Variants in GSN observed in about 807,000 individuals in gnomAD.
The protein encoded by GSN is actin-depolymerizing factor.
A neutral mutation model predicts 85.7 loss-of-function variants in GSN; 56 were observed. The observed-to-expected ratio is 0.65, with a 90% CI of 0.53 to 0.82. GSN has a LOEUF of 0.82. GSN is among the 40% of genes least tolerant of loss of function. The probability of loss-of-function intolerance (pLI) is 0.00; values close to 1 mark genes in which losing one functional copy is unlikely to be tolerated. For missense variants in GSN, 857 were observed against 979.8 expected, an observed-to-expected ratio of 0.87 and a Z score of 1.67; for synonymous variants, 373 against 399.1, an observed-to-expected ratio of 0.93 and a Z score of 0.78.
At chr9:121,228,877 A>T (rs1199220252) in intron 4 of GSN, among the ~76,000 whole-genome samples, 3 of 152,132 alleles carry the variant, frequency 2.0e-5, no homozygotes, top group Non-Finnish European at 4.4e-5. Flanking sequence ...ACATACACAC[A>T]TGCTCGCTCT....
chr9:121,288,896 C>T (rs923385979), intron 2 of GSN, among the ~76,000 whole-genome samples: 4 of 152,150 alleles, frequency 2.6e-5, no homozygotes, highest in African/African-American at 4.8e-5. Context: ...CATGGGATGC[C>T]GCTAAAGGGA....
At position 121,324,655 on chromosome 9, in the gene GSN, C is replaced by G. The variant is rs765667628; in HGVS notation, c.1416+11C>G. On this transcript the variant is annotated intron_variant, in intron 12 of 17. Coordinates refer to ENST00000432226, the MANE Select transcript of GSN (RefSeq NM_198252.3). ...GGTACCCCTGTCCAGGTGAGCCCAG[C>G]CCACCGCCTCTCTGGGCTGCAGCCT... The G allele has an allele frequency of 2.9e-6, 4 of 1,368,784 alleles. No homozygotes were observed. The South Asian group carries it at 5.0e-5, about 17-fold the overall frequency. 84.8% of individuals were successfully genotyped at this position (1,368,784 alleles called of 1,614,324 possible). A position where few individuals can be genotyped will look rare whatever the true frequency, so the allele number is the denominator to read the frequency against.
Position 121,332,720 on chromosome 9 carries a change from TG to T in GSN, c.*118del. On this transcript the variant is annotated 3_prime_UTR_variant, in exon 18 of 18. Transcript: ENST00000432226. The surrounding 1 kb of genome is among the most constrained non-coding windows in gnomAD (Gnocchi z 4.8). ...TATGAGTGTGTGTGTGTGTGTGTGT[TG>T]TTTCTTTTTTTTTTTTTTACAGTAT... is the stretch of plus-strand genomic sequence containing the variant. 2 of 715,410 alleles carry T rather than the reference TG, an allele frequency of 2.8e-6. No homozygotes were observed. Among genetic ancestry groups the T allele is most frequent in the South Asian group, 1.9e-5 (1 of 51,342 alleles). The allele number at this position is 715,410 out of a possible 1,614,324, so 44.3% of individuals were successfully genotyped here.
At chr9:121,315,739 C>A (rs545461504) in intron 7 of GSN, among the ~76,000 whole-genome samples, 1 of 151,858 alleles carries the variant, frequency 6.6e-6, no homozygotes, top group Non-Finnish European at 1.5e-5. Context: ...CCAGCCTGGG[C>A]GACAACAGTG....
chr9:121,225,996 G>A (rs537497144), intron 4 of GSN, among the ~76,000 whole-genome samples: 1 of 152,218 alleles, frequency 6.6e-6, no homozygotes, highest in South Asian at 2.1e-4. Context: ...GTAGAGACGG[G>A]GTTTCACCGT....
intron 4 of GSN, among the ~76,000 whole-genome samples, chr9:121,212,164 AC>A (rs1389845735): frequency 1.3e-5 from 2 of 152,214 alleles, no homozygotes; most frequent in East Asian, 1.9e-4. Context: ...CGATAAAAAA[AC>A]ATAACAAAAC....
chr9:121,270,618 CAAACAAAAATTGTT>C (rs2055798644), intron 1 of GSN, among the ~76,000 whole-genome samples: 1 of 152,044 alleles, frequency 6.6e-6, no homozygotes, highest in Non-Finnish European at 1.5e-5. Context: ...AGTTTTAAAA[CAAACAAAAATTGTT>C]AAAGAATCCC....
Position 121,331,466 on chromosome 9 carries a change from T to A in GSN, c.2026+18T>A. Reference sequence around the variant, plus strand: ...GACTTCTGGTGAGGACCCGAGTGCCTGGGGGCGGGGGGAGGGGTCCGTTGC... The same window carrying A: ...GACTTCTGGTGAGGACCCGAGTGCCAGGGGGCGGGGGGAGGGGTCCGTTGC... On this transcript the variant is annotated intron_variant, in intron 17 of 17. Transcript: ENST00000432226. 2.5e-5 allele frequency: 22 copies of A among 887,794 alleles called. No individual in the cohort carries two copies. Among genetic ancestry groups the A allele is most frequent in the Non-Finnish European group, 3.2e-5 (19 of 599,128 alleles). The allele number at this position is 887,794 out of a possible 1,614,324, so 55.0% of individuals were successfully genotyped here. A position where few individuals can be genotyped will look rare whatever the true frequency, so the allele number is the denominator to read the frequency against.
intron 5 of GSN, chr9:121,311,469 T>G (rs2061132780): frequency 6.3e-6 from 1 of 158,920 alleles, no homozygotes; most frequent in South Asian, 1.9e-4. Context: ...TGTAAGCTTT[T>G]TATTAAAGCG....
chr9:121,254,749 TG>T (rs2132255540), intron 6 of GSN, among the ~76,000 whole-genome samples: 1 of 152,328 alleles, frequency 6.6e-6, no homozygotes, highest in South Asian at 2.1e-4. Context: ...ATTATTATTT[TG>T]AATAGCTAAT....
Position 121,331,366 on chromosome 9 carries a change from T to G in GSN, c.1966-22T>G, listed in dbSNP as rs374751320. 26 of 1,546,540 alleles carry G rather than the reference T, an allele frequency of 1.7e-5. No individual in the cohort carries two copies. The African/African-American group carries it at 3.3e-4, about 19-fold the overall frequency. ...TTGATCAGCACTCCTCATGTACCTTTCCTGTTGCATCTCACCTCCAGGTCT... is the reference window on the plus strand; with the variant it reads ...TTGATCAGCACTCCTCATGTACCTTGCCTGTTGCATCTCACCTCCAGGTCT... On this transcript the variant is annotated intron_variant, in intron 16 of 17. Transcript: ENST00000432226.
intron 4 of GSN, among the ~76,000 whole-genome samples, chr9:121,220,409 T>TCTTCCCATACTTTCTGTCACTGTGTACCC (rs6151161): frequency 0.35 from 53,404 of 150,950 alleles, 11,550 homozygotes; most frequent in East Asian, 0.62. Context: ...TAGGTGAAGC[T>TCTTCCCATACTTTCTGTCACTGTGTACCC]CTTCCCATAC....
At chr9:121,311,021 C>A in intron 5 of GSN, 176 bp downstream of exon 5, 1 of 654,856 alleles carries the variant, frequency 1.5e-6, no homozygotes, top group South Asian at 1.7e-5. Flanking sequence ...TAGACTCACA[C>A]CACGGGTATA....
At chr9:121,214,398 T>C (rs2054022145) in intron 4 of GSN, among the ~76,000 whole-genome samples, 1 of 152,182 alleles carries the variant, frequency 6.6e-6, no homozygotes, top group South Asian at 2.1e-4. Context: ...TCCATAATCT[T>C]TCTGAGTCTC....
chr9:121,283,291 CTTTCTT>C, intron 2 of GSN: 1 of 155,088 alleles, frequency 6.4e-6, no homozygotes, highest in African/African-American at 2.5e-5. Flanking sequence ...TTCTTTCTTT[CTTTCTT>C]TTTCTTTTTT....
upstream of GSN, chr9:121,265,174 G>A (rs910515146): frequency 1.4e-4 from 21 of 152,272 alleles, 1 homozygote; most frequent in African/African-American, 4.6e-4. Flanking sequence ...CAAGGCATTC[G>A]ATGCTCAACA....
chr9:121,201,856 G>A, the GSN span: 5 of 152,526 alleles, frequency 3.3e-5, no homozygotes, highest in African/African-American at 4.8e-5. Context: ...ATCTTCCTCG[G>A]GCTGGTCCAA....
rs2133143627 is a variant in GSN at position 121,299,962 on chromosome 9, C to T, written c.-9-2001C>T. ...CGCGCGGCCACTGCGTCGCGGGGGG[C>T]GTCCCAGGCGGGGGCGCCCCAGGGG... On this transcript the variant is annotated intron_variant, in intron 2 of 17. Transcript: ENST00000432226. This position sits in a 1 kb window ranked among gnomAD's most constrained non-coding sequence, Gnocchi z 4.2. 6 of 1,287,138 alleles carry T rather than the reference C, an allele frequency of 4.7e-6. No individual in the cohort carries two copies. Among genetic ancestry groups the T allele is most frequent in the Non-Finnish European group, 4.9e-6 (5 of 1,015,488 alleles). The allele number at this position is 1,287,138 out of a possible 1,614,324, so 79.7% of individuals were successfully genotyped here.
At chr9:121,224,710 A>T (rs1336752451) in intron 4 of GSN, among the ~76,000 whole-genome samples, 2 of 150,694 alleles carry the variant, frequency 1.3e-5, no homozygotes, top group Admixed American at 1.3e-4. Flanking sequence ...CAGTTGGTCA[A>T]TCAATAGAGA....
Sources: allele counts gnomAD v4.1 joint callset (sites outside exome capture counted in the v4.1 genomes callset), GRCh38; gene constraint gnomAD v4.1.1; non-coding constraint Gnocchi (gnomAD v3.1); transcripts MANE v1.5; gene names NCBI Gene and HGNC (gene_info 2026-07-23, HGNC 2026-07-21).